Variants in ENOX1 observed in about 807,000 individuals in gnomAD.
The protein encoded by ENOX1 is candidate growth-related and time keeping constitutive hydroquinone (NADH) oxidase.
Under a neutral mutation model 82.5 loss-of-function variants are expected in ENOX1, and 42 were observed. The observed-to-expected ratio is 0.51, with a 90% confidence interval of 0.40 to 0.66. The LOEUF (loss-of-function observed/expected upper bound fraction) is 0.66, where lower values mean the gene tolerates loss of function less well. Among genes scored for constraint, ENOX1 ranks in the 30% least tolerant of loss-of-function variants. ENOX1 has a pLI of 0.00. For missense variants in ENOX1, 608 were observed against 811.6 expected, an observed-to-expected ratio of 0.75 and a Z score of 3.05; for synonymous variants, 271 against 282.2, an observed-to-expected ratio of 0.96 and a Z score of 0.40.
intron 14 of ENOX1, among the ~76,000 whole-genome samples, chr13:43,264,336 C>T (rs186216725): frequency 5.4e-4 from 83 of 152,306 alleles, no homozygotes; most frequent in Non-Finnish European, 1.0e-3. Context: ...TCATGTGTTT[C>T]TTAATTCCTT....
chr13:43,684,065 C>G (rs1222597801), intron 1 of ENOX1, among the ~76,000 whole-genome samples: 1 of 131,960 alleles, frequency 7.6e-6, no homozygotes, highest in Non-Finnish European at 1.5e-5. Flanking sequence ...CACTGTACTC[C>G]AGCCTGGGCG....
chr13:43,439,911 T>A (rs1353765475), intron 3 of ENOX1, among the ~76,000 whole-genome samples: 1 of 152,204 alleles, frequency 6.6e-6, no homozygotes, highest in African/African-American at 2.4e-5. Context: ...GGTACATCCA[T>A]GAGTGTATTA....
chr13:43,480,724 T>C (rs1264130654), intron 3 of ENOX1, among the ~76,000 whole-genome samples: 1 of 152,160 alleles, frequency 6.6e-6, no homozygotes, highest in African/African-American at 2.4e-5. Context: ...GGAACAATGA[T>C]ATGCCAACCA....
intron 2 of ENOX1, among the ~76,000 whole-genome samples, chr13:43,590,993 G>C (rs894991231): frequency 3.9e-5 from 6 of 152,172 alleles, no homozygotes; most frequent in Admixed American, 2.6e-4. Context: ...TAGAAAAGTT[G>C]TGGTTTCCAA....
intron 2 of ENOX1, among the ~76,000 whole-genome samples, chr13:43,616,172 ATC>A (rs1400904075): frequency 0.12 from 761 of 6,306 alleles, 119 homozygotes; most frequent in African/African-American, 0.17. Context: ...CTATCTATCT[ATC>A]TATCTATCTA....
intron 14 of ENOX1, among the ~76,000 whole-genome samples, chr13:43,245,864 G>A (rs113609469): frequency 1.1e-4 from 16 of 152,252 alleles, no homozygotes; most frequent in African/African-American, 3.9e-4. Flanking sequence ...TTCAATTGCC[G>A]GATCGGAAGC....
At chr13:43,516,728 A>G (rs2077574852) in intron 2 of ENOX1, among the ~76,000 whole-genome samples, 1 of 152,132 alleles carries the variant, frequency 6.6e-6, no homozygotes, top group African/African-American at 2.4e-5. Flanking sequence ...ATCAAACAGG[A>G]TAGTTGCAAA....
intron 12 of ENOX1, among the ~76,000 whole-genome samples, chr13:43,271,251 A>G (rs532677997): frequency 1.5e-4 from 23 of 152,324 alleles, no homozygotes; most frequent in Non-Finnish European, 2.9e-4. Context: ...GGAGGTGGAC[A>G]TTAATAATCG....
chr13:43,576,564 T>G (rs1417285230), intron 2 of ENOX1, among the ~76,000 whole-genome samples: 4 of 152,260 alleles, frequency 2.6e-5, no homozygotes, highest in Middle Eastern at 3.4e-3. Context: ...TTTGACAAAC[T>G]TAGTACATAC....
At chr13:43,648,849 T>C (rs2084019116) in intron 2 of ENOX1, among the ~76,000 whole-genome samples, 1 of 152,210 alleles carries the variant, frequency 6.6e-6, no homozygotes, top group South Asian at 2.1e-4. Flanking sequence ...CTTATCTGAA[T>C]ATGGATGTGG....
At chr13:43,644,027 T>C (rs2083782324) in intron 2 of ENOX1, among the ~76,000 whole-genome samples, 1 of 152,210 alleles carries the variant, frequency 6.6e-6, no homozygotes, top group Non-Finnish European at 1.5e-5. Context: ...GAGAGATTAA[T>C]TTGGTAAAAA....
chr13:43,649,184 A>C (rs1392549628), intron 2 of ENOX1, among the ~76,000 whole-genome samples: 9 of 152,226 alleles, frequency 5.9e-5, no homozygotes, highest in Non-Finnish European at 1.2e-4. Context: ...AAATAGTACA[A>C]ACAACTTCAA....
intron 2 of ENOX1, among the ~76,000 whole-genome samples, chr13:43,602,400 A>G (rs2081764741): frequency 6.6e-6 from 1 of 152,172 alleles, no homozygotes; most frequent in African/African-American, 2.4e-5. Flanking sequence ...GATGGCAAAT[A>G]TATGAAATAA....
intron 2 of ENOX1, among the ~76,000 whole-genome samples, chr13:43,552,600 C>T (rs2079249433): frequency 1.3e-5 from 2 of 152,138 alleles, no homozygotes; most frequent in Admixed American, 6.5e-5. Context: ...TTCCCCCTCT[C>T]ATTTGTTCTG....
chr13:43,468,206 C>T (rs993148794), intron 3 of ENOX1, among the ~76,000 whole-genome samples: 2 of 150,916 alleles, frequency 1.3e-5, no homozygotes, highest in East Asian at 3.9e-4. Context: ...TTTTTTGAGA[C>T]AGAGTTTCAC....
intron 2 of ENOX1, among the ~76,000 whole-genome samples, chr13:43,551,905 T>C (rs574545308): frequency 1.3e-5 from 2 of 152,336 alleles, no homozygotes; most frequent in East Asian, 3.9e-4. Flanking sequence ...CCTTAATTTT[T>C]TTCCATTTGC....
intron 1 of ENOX1, among the ~76,000 whole-genome samples, chr13:43,777,356 T>C (rs1171552806): frequency 6.6e-6 from 1 of 152,092 alleles, no homozygotes; most frequent in Non-Finnish European, 1.5e-5. Context: ...AATATAATAG[T>C]CCATAAAAGT....
chr13:43,332,793 A>C (rs28626436), intron 9 of ENOX1, among the ~76,000 whole-genome samples: 34 of 152,142 alleles, frequency 2.2e-4, no homozygotes, highest in Non-Finnish European at 4.3e-4. Context: ...TTTTAAATCC[A>C]ATAAATCTCC....
At chr13:43,231,856 C>G (rs2042297924) in intron 15 of ENOX1, among the ~76,000 whole-genome samples, 1 of 152,190 alleles carries the variant, frequency 6.6e-6, no homozygotes, top group African/African-American at 2.4e-5. Flanking sequence ...CAGCGTTTCT[C>G]AAAACATAGT....
Sources: allele counts gnomAD v4.1 joint callset (sites outside exome capture counted in the v4.1 genomes callset), GRCh38; gene constraint gnomAD v4.1.1; transcripts MANE v1.5; gene names NCBI Gene and HGNC (gene_info 2026-07-23, HGNC 2026-07-21).